ANAPC11: variants seen among roughly 807,000 people sequenced by gnomAD.
ANAPC11 encodes anaphase promoting complex subunit 11, also known as anaphase-promoting complex subunit 11.
ANAPC11 carries 5 observed loss-of-function variants against 11.8 expected under a neutral mutation model. That is an observed-to-expected ratio of 0.42 (90% CI 0.22 to 0.89). The LOEUF (loss-of-function observed/expected upper bound fraction) is 0.89, where lower values mean the gene tolerates loss of function less well. ANAPC11 is among the 40% of genes least tolerant of loss of function. The pLI is 0.28. For missense variants in ANAPC11, 68 were observed against 112.9 expected, an observed-to-expected ratio of 0.60 and a Z score of 1.80; for synonymous variants, 45 against 41.0, an observed-to-expected ratio of 1.10 and a Z score of -0.38.
At chr17:81,891,641 C>T, upstream of ANAPC11, 2 of 1,302,972 alleles carry the variant, frequency 1.5e-6, no homozygotes, top group Non-Finnish European at 2.0e-6. Context: ...TGAGGCCTTC[C>T]GGTGCCACGG....
intron 3 of ANAPC11, chr17:81,898,550 A>C (rs773166849): frequency 4.6e-5 from 7 of 152,300 alleles, no homozygotes; most frequent in Non-Finnish European, 8.8e-5. Context: ...GTTAACGCGC[A>C]AAGCGTTTGA....
chr17:81,900,283 C>G, downstream of ANAPC11: 1 of 653,962 alleles, frequency 1.5e-6, no homozygotes, highest in Non-Finnish European at 2.5e-6. Flanking sequence ...CCTGTGTTCT[C>G]GGCATATAGA....
intron 3 of ANAPC11, 123 bp from the exon 4 acceptor site, chr17:81,899,797 A>G (rs2039878693): frequency 1.0e-5 from 11 of 1,089,500 alleles, no homozygotes; most frequent in Non-Finnish European, 1.3e-5. Context: ...CTTCTCTGAA[A>G]CATGAGAGGC....
intron 3 of ANAPC11, chr17:81,899,461 C>G (rs199541249): frequency 3.1e-6 from 5 of 1,613,890 alleles, no homozygotes; most frequent in East Asian, 4.5e-5. Flanking sequence ...CTCAGATGCA[C>G]GTCTCCTTGG....
At chr17:81,900,360 C>G, downstream of ANAPC11, 1 of 458,820 alleles carries the variant, frequency 2.2e-6, no homozygotes, top group Non-Finnish European at 3.9e-6. Flanking sequence ...CGCCAAGGCC[C>G]TCGTCAAACC....
intron 1 of ANAPC11, among the ~76,000 whole-genome samples, chr17:81,892,634 A>T (rs562565062): frequency 1.5e-5 from 2 of 134,108 alleles, no homozygotes; most frequent in African/African-American, 6.3e-5. Flanking sequence ...GCGAGTCTCC[A>T]GCGGCAGCCT....
rs1017004788 is a variant in ANAPC11, at chr17:81,891,743, C to G, written c.-173C>G. 1.9e-5 allele frequency: 10 copies of G among 514,356 alleles called. No individual in the cohort carries two copies. The highest frequency in any genetic ancestry group is 1.9e-4 in the African/African-American group (9 of 47,554). 31.9% of individuals were successfully genotyped at this position (514,356 alleles called of 1,614,324 possible). ...GGCGCGTGCGCACTGGCGTGCGAGA[C>G]TCGGCGGGCGCTGTTGAGGGAGTCG... On this transcript the variant is annotated 5_prime_UTR_variant, in exon 1 of 4. Transcript: ENST00000344877.
At position 81,896,489 on chromosome 17, in the gene ANAPC11, G is replaced by A. The variant is rs369656881; in HGVS notation, c.109+1903G>A. On this transcript the variant is annotated intron_variant, in intron 3 of 3. Coordinates refer to ENST00000344877, the MANE Select transcript of ANAPC11 (RefSeq NM_001002248.3). The stretch of plus-strand genomic sequence containing the variant: ...GTTGAAAGCAGAGTTTTGCATCAGC[G>A]AAATGGTTTTTCATGAGACCGAAAT... Among the ~76,000 whole-genome samples, 130 of 152,316 alleles carry A rather than the reference G, an allele frequency of 8.5e-4. 4 individuals carry two copies. In the South Asian group the frequency reaches 0.025, roughly 30 times the overall value.
upstream of ANAPC11, chr17:81,891,693 C>T (rs1242958188): frequency 3.9e-6 from 4 of 1,023,762 alleles, no homozygotes; most frequent in Admixed American, 5.5e-5. Context: ...GACGGCTGCG[C>T]GCGCGGGACG....
In ANAPC11 at chr17:81,899,150, C is replaced by T; in HGVS notation, c.110-770C>T. 3 of 1,325,776 alleles carry T rather than the reference C, an allele frequency of 2.3e-6. 1 individual carries two copies. The highest frequency in any genetic ancestry group is 3.1e-6 in the Non-Finnish European group (3 of 969,032). 82.1% of individuals were successfully genotyped at this position (1,325,776 alleles called of 1,614,324 possible). A position where few individuals can be genotyped will look rare whatever the true frequency, so the allele number is the denominator to read the frequency against. On this transcript the variant is annotated intron_variant, in intron 3 of 3. Coordinates refer to ENST00000344877, the MANE Select transcript of ANAPC11 (RefSeq NM_001002248.3). The stretch of plus-strand genomic sequence containing the variant: ...GGGACTTGCTGTGCTCTGTTGGCAG[C>T]AGCTGTTCCTCAGGGGTTTCCAGGC...
intron 3 of ANAPC11, among the ~76,000 whole-genome samples, chr17:81,897,099 C>G (rs1242038440): frequency 6.6e-6 from 1 of 152,210 alleles, no homozygotes; most frequent in African/African-American, 2.4e-5. Flanking sequence ...CTCCCTAGTT[C>G]AAGTGATTCT....
downstream of ANAPC11, chr17:81,900,406 G>C (rs368325789): frequency 4.6e-5 from 17 of 370,196 alleles, no homozygotes; most frequent in East Asian, 1.2e-3. Context: ...AGCAGGATCA[G>C]ACGGTAGAGC....
downstream of ANAPC11, chr17:81,900,338 A>G (rs1567873582): frequency 1.9e-6 from 1 of 522,864 alleles, no homozygotes; most frequent in East Asian, 3.6e-5. Flanking sequence ...ATGAATAAAC[A>G]TCTCCGTGAA....
intron 3 of ANAPC11, chr17:81,898,435 C>T (rs2039815229): frequency 6.6e-6 from 1 of 152,270 alleles, no homozygotes; most frequent in Non-Finnish European, 1.5e-5. Flanking sequence ...TCCGCTGACA[C>T]AGTGTGCTCA....
At chr17:81,899,450 A>G in intron 3 of ANAPC11, 1 of 1,613,902 alleles carries the variant, frequency 6.2e-7, no homozygotes, top group Non-Finnish European at 8.5e-7. Flanking sequence ...CCAGTTCACT[A>G]CTCAGATGCA....
At chr17:81,897,597 C>T (rs1330108392) in intron 3 of ANAPC11, among the ~76,000 whole-genome samples, 5 of 152,032 alleles carry the variant, frequency 3.3e-5, no homozygotes, top group African/African-American at 4.8e-5. Context: ...CCACCTCCAC[C>T]TCTCAAGTAG....
At chr17:81,894,355 G>C in intron 2 of ANAPC11, 112 bp from the exon 3 acceptor site, 1 of 485,784 alleles carries the variant, frequency 2.1e-6, no homozygotes. Flanking sequence ...TCCTGCCTTG[G>C]CCCCCTGAGT....
chr17:81,900,091 G>A lies in ANAPC11; in HGVS notation c.*26G>A, dbSNP rs776205373. ...GGCCCGACCTGGCTCTCGCTGGAGG[G>A]GCATCCTGAGACTCCTTCCTCATGC... On this transcript the variant is annotated 3_prime_UTR_variant, in exon 4 of 4. Coordinates refer to ENST00000344877, the MANE Select transcript of ANAPC11 (RefSeq NM_001002248.3). The A allele has an allele frequency of 6.2e-7, 1 of 1,611,194 alleles. No individual in the cohort carries two copies. Among genetic ancestry groups the A allele is most frequent in the Non-Finnish European group, 8.5e-7 (1 of 1,179,366 alleles).
At chr17:81,891,721 G>A, upstream of ANAPC11, 3 of 743,450 alleles carry the variant, frequency 4.0e-6, no homozygotes, top group Non-Finnish European at 5.3e-6. Context: ...GCGGGGAGGC[G>A]CGTGCGCACT....
Sources: gnomAD v4.1 joint callset for allele counts (sites outside exome capture counted in the v4.1 genomes callset) on GRCh38, gnomAD v4.1.1 for gene constraint, MANE v1.5 for transcripts, NCBI Gene and HGNC (gene_info 2026-07-23, HGNC 2026-07-21) for gene names.